ARL10: variants seen among roughly 807,000 people sequenced by gnomAD.
ARL10 encodes ADP-ribosylation factor-like protein 10.
Under a neutral mutation model 26.1 loss-of-function variants are expected in ARL10, and 23 were observed. The observed-to-expected ratio is 0.88, with a 90% CI of 0.63 to 1.25. The LOEUF is 1.25. Among genes scored for constraint, ARL10 ranks in the 50% most tolerant of loss-of-function variants. The pLI is 0.00. For synonymous variants in ARL10, 138 were observed against 149.1 expected (o/e 0.93, Z 0.54); for missense variants, 300 against 323.6 (o/e 0.93, Z 0.56).
At chr5:176,394,626 A>C (rs1426047498) in intron 1 of ARL10, among the ~76,000 whole-genome samples, 1 of 149,934 alleles carries the variant, frequency 6.7e-6, no homozygotes, top group Non-Finnish European at 1.5e-5. Context: ...CATCCTGGCT[A>C]ACACGGTGAA....
chr5:176,396,481 G>A (rs1275000391), intron 1 of ARL10: 6 of 1,613,584 alleles, frequency 3.7e-6, no homozygotes, highest in African/African-American at 1.3e-5. Context: ...ACACGTACAC[G>A]TAGCCGATGA....
At position 176,366,595 on chromosome 5, in the gene ARL10, C is replaced by T. The variant is rs779455700; in HGVS notation, c.385+14C>T. ...ACCTGCTAGAAAGTGAGCGGACACC[C>T]TACCCCATCTCCCCGTCTCCTCTAC... On this transcript the variant is annotated intron_variant, in intron 2 of 3. Coordinates refer to ENST00000310389, the MANE Select transcript of ARL10 (RefSeq NM_173664.6). The T allele has an allele frequency of 9.3e-6, 15 of 1,612,844 alleles. No homozygotes were observed. The highest frequency in any genetic ancestry group is 1.0e-5 in the Non-Finnish European group (12 of 1,179,584).
the ARL10 span, among the ~76,000 whole-genome samples, chr5:176,409,406 CTTTT>C: frequency 8.4e-4 from 67 of 79,658 alleles, no homozygotes; most frequent in African/African-American, 3.7e-3. Flanking sequence ...TCTGATTGCC[CTTTT>C]TTTTTTTTTT....
chr5:176,400,435 G>A (rs1756762265), intron 1 of ARL10, among the ~76,000 whole-genome samples: 1 of 152,272 alleles, frequency 6.6e-6, no homozygotes, highest in South Asian at 2.1e-4. Context: ...GCCAGGACTA[G>A]AGTCCAGGTC....
At chr5:176,403,013 C>G (rs1255604554), downstream of ARL10, among the ~76,000 whole-genome samples, 1 of 151,408 alleles carries the variant, frequency 6.6e-6, no homozygotes, top group Non-Finnish European at 1.5e-5. Context: ...TCATCTGTAT[C>G]CTTCAGGGCC....
At chr5:176,371,011 G>A (rs767249257) in intron 3 of ARL10, among the ~76,000 whole-genome samples, 1 of 152,188 alleles carries the variant, frequency 6.6e-6, no homozygotes, top group Non-Finnish European at 1.5e-5. Flanking sequence ...CATCAATTAA[G>A]TGTGGACTGT....
At chr5:176,392,693 A>G (rs1031689656), downstream of ARL10, 1 of 1,507,634 alleles carries the variant, frequency 6.6e-7, no homozygotes, top group Non-Finnish European at 9.1e-7. This position sits in a 1 kb window ranked among gnomAD's most constrained non-coding sequence, Gnocchi z 5.2. Flanking sequence ...AGCTGCTGCG[A>G]GTCTCCACCC....
rs1231676276 is a variant in ARL10 at position 176,380,233 on chromosome 5, T to C, written c.*8338T>C. On this transcript the variant is annotated 3_prime_UTR_variant, in exon 4 of 4. Transcript: ENST00000310389. ...GTGCTGCATGAGCCTTTCATTTGCG[T>C]TTTGTAAAGAATCTTTTAGGCAATT... 1 of 152,150 alleles carries C rather than the reference T, an allele frequency of 6.6e-6. No individual in the cohort carries two copies. Among genetic ancestry groups the C allele is most frequent in the African/African-American group, 2.4e-5 (1 of 41,436 alleles). 9.4% of individuals were successfully genotyped at this position (152,150 alleles called of 1,614,324 possible).
intron 3 of ARL10, among the ~76,000 whole-genome samples, chr5:176,371,146 A>G (rs983659933): frequency 6.6e-6 from 1 of 152,204 alleles, no homozygotes; most frequent in South Asian, 2.1e-4. Flanking sequence ...AGGCTGAGGC[A>G]GGTGGATCAC....
chr5:176,400,651 C>T (rs933312852), intron 1 of ARL10, among the ~76,000 whole-genome samples: 2 of 152,212 alleles, frequency 1.3e-5, no homozygotes, highest in African/African-American at 2.4e-5. Flanking sequence ...TCCAGCTACC[C>T]GGCCTTTGTC....
At chr5:176,405,577 A>C (rs1757067157), downstream of ARL10, 1 of 152,144 alleles carries the variant, frequency 6.6e-6, no homozygotes, top group Non-Finnish European at 1.5e-5. Flanking sequence ...ATTTGCCTCC[A>C]TATCCGTTTA....
chr5:176,387,389 C>T (rs539578349), intron 1 of ARL10, among the ~76,000 whole-genome samples: 1 of 152,332 alleles, frequency 6.6e-6, no homozygotes, highest in South Asian at 2.1e-4. Context: ...TCTATTAAAT[C>T]CCCAGGGTGC....
rs1768665282 is a variant in ARL10, at chr5:176,375,286, A to AT, written c.*3391_*3392insT. On this transcript the variant is annotated 3_prime_UTR_variant, in exon 4 of 4. Coordinates refer to ENST00000310389, the MANE Select transcript of ARL10 (RefSeq NM_173664.6). ...CACCCATCCACCCATCCATCCATCC[A>AT]CCCATCCATCCATCCATCCATCCAT... is the stretch of plus-strand genomic sequence containing the variant. 1 of 48,162 alleles carries AT rather than the reference A, an allele frequency of 2.1e-5. No homozygotes were observed. Among genetic ancestry groups the AT allele is most frequent in the African/African-American group, 7.4e-5 (1 of 13,432 alleles). The allele number at this position is 48,162 out of a possible 1,614,324, so 3.0% of individuals were successfully genotyped here. A position where few individuals can be genotyped will look rare whatever the true frequency, so the allele number is the denominator to read the frequency against.
downstream of ARL10, among the ~76,000 whole-genome samples, chr5:176,404,099 A>G (rs1403744407): frequency 6.6e-6 from 1 of 152,220 alleles, no homozygotes; most frequent in Non-Finnish European, 1.5e-5. Context: ...CTCTATCTCC[A>G]AAGAGCCAAG....
chr5:176,409,623 C>A, the ARL10 span, among the ~76,000 whole-genome samples: 1 of 151,944 alleles, frequency 6.6e-6, no homozygotes, highest in Non-Finnish European at 1.5e-5. Flanking sequence ...CTATGTTGGC[C>A]AGGCTGGTCT....
downstream of ARL10, chr5:176,384,126 G>C: frequency 6.2e-7 from 1 of 1,611,130 alleles, no homozygotes; most frequent in South Asian, 1.1e-5. Context: ...ATGGGACCTG[G>C]CCAGCTCCTC....
chr5:176,366,095 C>T, intron 1 of ARL10, among the ~76,000 whole-genome samples: 1 of 152,206 alleles, frequency 6.6e-6, no homozygotes, highest in Non-Finnish European at 1.5e-5. Context: ...GCGCAGTGCA[C>T]CCCGCCCGGG....
At chr5:176,406,026 G>T, downstream of ARL10, 1 of 468,240 alleles carries the variant, frequency 2.1e-6, no homozygotes, top group Non-Finnish European at 2.8e-6. Flanking sequence ...CTGCTGGCAG[G>T]CAAAGCCCCG....
downstream of ARL10, among the ~76,000 whole-genome samples, chr5:176,402,057 CT>C (rs920968893): frequency 1.3e-5 from 2 of 152,196 alleles, no homozygotes; most frequent in African/African-American, 4.8e-5. Flanking sequence ...AATCCTAGCA[CT>C]TTGGGAGGCT....
Sources: gnomAD v4.1 joint callset for allele counts (sites outside exome capture counted in the v4.1 genomes callset) on GRCh38, gnomAD v4.1.1 for gene constraint, Gnocchi (gnomAD v3.1) non-coding constraint, MANE v1.5 for transcripts, NCBI Gene and HGNC (gene_info 2026-07-23, HGNC 2026-07-21) for gene names.